Variants in SLX4IP observed in about 807,000 individuals in gnomAD.
SLX4IP encodes the protein protein SLX4IP.
A neutral mutation model predicts 32.9 loss-of-function variants in SLX4IP; 34 were observed. The ratio of observed to expected loss-of-function variants is 1.03; its 90% CI spans 0.79 to 1.38. SLX4IP has a LOEUF of 1.38. SLX4IP is among the 40% of genes most tolerant of loss of function. The probability of loss-of-function intolerance (pLI) is 0.00; values close to 1 mark genes in which losing one functional copy is unlikely to be tolerated. For synonymous variants in SLX4IP, 172 were observed against 171.7 expected (o/e 1.00, Z -0.01); for missense variants, 444 against 479.0 (o/e 0.93, Z 0.68).
At position 10,457,443 on chromosome 20, in the gene SLX4IP, G is replaced by GTT. The variant is rs200528822; in HGVS notation, c.-29-722_-29-721dup. On this transcript the variant is annotated intron_variant, in intron 1 of 7. Transcript: ENST00000334534. ...GTTTTTAATTAAAAAAGCATTTTGGGTTTTTTTTTTTTGTATTATGATTAT... is the reference window on the plus strand; with the variant it reads ...GTTTTTAATTAAAAAAGCATTTTGGGTTTTTTTTTTTTTTGTATTATGATTAT... Among the ~76,000 whole-genome samples, 377 of 140,970 alleles carry GTT rather than the reference G, an allele frequency of 2.7e-3. 2 individuals are homozygous for GTT. Among genetic ancestry groups the GTT allele is most frequent in the Non-Finnish European group, 4.4e-3 (287 of 65,038 alleles). 92.5% of individuals were successfully genotyped at this position (140,970 alleles called of 152,430 possible).
intron 2 of SLX4IP, among the ~76,000 whole-genome samples, chr20:10,552,578 AAC>A (rs1287354030): frequency 6.6e-6 from 1 of 152,082 alleles, no homozygotes; most frequent in Non-Finnish European, 1.5e-5. Flanking sequence ...CTGCCTGCCA[AAC>A]AGTGGAGGCT....
At chr20:10,568,870 G>A (rs1251114981) in intron 4 of SLX4IP, among the ~76,000 whole-genome samples, 2 of 152,184 alleles carry the variant, frequency 1.3e-5, no homozygotes, top group Admixed American at 1.3e-4. Flanking sequence ...ATGAATTTAA[G>A]CCACATTTCT....
intron 2 of SLX4IP, among the ~76,000 whole-genome samples, chr20:10,471,969 C>G (rs1215423614): frequency 6.6e-6 from 1 of 152,156 alleles, no homozygotes; most frequent in African/African-American, 2.4e-5. Context: ...TTCCTAAGGG[C>G]TACCTCTGGA....
intron 2 of SLX4IP, among the ~76,000 whole-genome samples, chr20:10,514,293 C>A (rs1480952759): frequency 2.6e-5 from 4 of 152,068 alleles, no homozygotes; most frequent in Non-Finnish European, 5.9e-5. Context: ...GAATGTTGCC[C>A]CAGGACAACT....
intron 1 of SLX4IP, among the ~76,000 whole-genome samples, chr20:10,440,744 T>C (rs547093809): frequency 6.6e-6 from 1 of 152,360 alleles, no homozygotes; most frequent in African/African-American, 2.4e-5. Flanking sequence ...AACTATTTTA[T>C]TAATGATTAT....
chr20:10,594,997 C>G (rs1371073050), intron 4 of SLX4IP, among the ~76,000 whole-genome samples: 1 of 151,932 alleles, frequency 6.6e-6, no homozygotes, highest in East Asian at 1.9e-4. Flanking sequence ...AGGCTTCATG[C>G]TTTGGAGGTT....
intron 4 of SLX4IP, among the ~76,000 whole-genome samples, chr20:10,583,539 A>G (rs956599335): frequency 3.3e-5 from 5 of 152,178 alleles, no homozygotes; most frequent in African/African-American, 4.8e-5. Context: ...GGCTGGCTGC[A>G]TCCGGATGGT....
intron 2 of SLX4IP, among the ~76,000 whole-genome samples, chr20:10,473,739 A>T (rs2065447907): frequency 1.3e-5 from 2 of 151,924 alleles, no homozygotes; most frequent in Non-Finnish European, 2.9e-5. Context: ...AGTAGCTGGG[A>T]TTACAGGCGC....
chr20:10,569,805 C>G (rs1025530920), intron 4 of SLX4IP, among the ~76,000 whole-genome samples: 1 of 152,144 alleles, frequency 6.6e-6, no homozygotes, highest in Non-Finnish European at 1.5e-5. Context: ...CATAATTTTC[C>G]GCTATAAATG....
intron 4 of SLX4IP, among the ~76,000 whole-genome samples, chr20:10,578,113 A>C (rs1344275664): frequency 6.6e-6 from 1 of 152,220 alleles, no homozygotes; most frequent in Non-Finnish European, 1.5e-5. Flanking sequence ...TCACCTGTTT[A>C]AAGTATACTG....
intron 2 of SLX4IP, among the ~76,000 whole-genome samples, chr20:10,485,474 G>A (rs557749808): frequency 4.6e-5 from 7 of 152,026 alleles, no homozygotes; most frequent in East Asian, 3.9e-4. Flanking sequence ...AACATTAGCC[G>A]GGCATGGTAG....
chr20:10,508,799 T>C (rs1295148098), intron 2 of SLX4IP, among the ~76,000 whole-genome samples: 1 of 152,168 alleles, frequency 6.6e-6, no homozygotes, highest in Admixed American at 6.6e-5. Context: ...ATGAGTTCCA[T>C]CCGCTGGGGC....
intron 4 of SLX4IP, among the ~76,000 whole-genome samples, chr20:10,581,066 A>G (rs901774433): frequency 6.7e-4 from 102 of 152,088 alleles, no homozygotes; most frequent in African/African-American, 2.3e-3. Flanking sequence ...TTTTTCCAGA[A>G]AAGCTGTGTT....
At chr20:10,514,745 G>A (rs894287599) in intron 2 of SLX4IP, among the ~76,000 whole-genome samples, 1 of 152,220 alleles carries the variant, frequency 6.6e-6, no homozygotes, top group Non-Finnish European at 1.5e-5. Flanking sequence ...TATTGTGAAA[G>A]TAGTTTTTAT....
chr20:10,572,703 T>C (rs755155633), intron 4 of SLX4IP, among the ~76,000 whole-genome samples: 3 of 152,240 alleles, frequency 2.0e-5, no homozygotes, highest in Non-Finnish European at 4.4e-5. Context: ...CTGTGGTTTC[T>C]GTCTGCAGTG....
chr20:10,562,101 G>A (rs567214047), intron 4 of SLX4IP, among the ~76,000 whole-genome samples: 4 of 152,284 alleles, frequency 2.6e-5, no homozygotes, highest in South Asian at 2.1e-4. Context: ...CCCAGTGGGC[G>A]TGTGTTACAA....
intron 2 of SLX4IP, among the ~76,000 whole-genome samples, chr20:10,474,602 C>A (rs2065457873): frequency 6.6e-6 from 1 of 152,104 alleles, no homozygotes; most frequent in African/African-American, 2.4e-5. Flanking sequence ...AAATAAGGAT[C>A]ATGGTTAACC....
intron 2 of SLX4IP, among the ~76,000 whole-genome samples, chr20:10,487,279 G>GA (rs1267162695): frequency 6.6e-6 from 1 of 152,106 alleles, no homozygotes; most frequent in African/African-American, 2.4e-5. Flanking sequence ...TGTAGATCAG[G>GA]ATTCTAAAGG....
At chr20:10,517,048 A>C (rs946106185) in intron 2 of SLX4IP, among the ~76,000 whole-genome samples, 1 of 152,234 alleles carries the variant, frequency 6.6e-6, no homozygotes. Flanking sequence ...CATGGGAGGA[A>C]CTATGTATGA....
Sources: gnomAD v4.1 joint callset for allele counts (sites outside exome capture counted in the v4.1 genomes callset) on GRCh38, gnomAD v4.1.1 for gene constraint, MANE v1.5 for transcripts, NCBI Gene and HGNC (gene_info 2026-07-23, HGNC 2026-07-21) for gene names.